The following DNAH5 variants were observed in gnomAD, a reference collection of about 807,000 sequenced individuals.
DNAH5 encodes axonemal beta dynein heavy chain 5.
In DNAH5, 372 loss-of-function variants were observed where a neutral mutation model predicts 518.2. That is an observed-to-expected ratio of 0.72 (90% CI 0.66 to 0.78). The LOEUF (loss-of-function observed/expected upper bound fraction) is 0.78, where lower values mean the gene tolerates loss of function less well. Among genes scored for constraint, DNAH5 ranks in the 30% least tolerant of loss-of-function variants. The pLI is 0.00. For synonymous variants in DNAH5, 2,039 were observed against 2,025.9 expected, an observed-to-expected ratio of 1.01 and a Z score of -0.17; for missense variants, 5,523 against 5,687.0, an observed-to-expected ratio of 0.97 and a Z score of 0.93.
rs564223803 is a variant in DNAH5, at chr5:13,755,100, C to T, written c.10420-762G>A. Reference sequence around the variant, plus strand: ...GAGATTGCAGTGAGCCAAGATCGTGCCACTCAAATCCGCTCAAAAAAACAC... The same window carrying T: ...GAGATTGCAGTGAGCCAAGATCGTGTCACTCAAATCCGCTCAAAAAAACAC... On this transcript the variant is annotated intron_variant, in intron 61 of 78. Transcript: ENST00000265104. Among the ~76,000 whole-genome samples the T allele has an allele frequency of 1.5e-4, 23 of 152,074 alleles. No individual in the cohort carries two copies. In the South Asian group the frequency reaches 2.3e-3, roughly 15 times the overall value.
At position 14,008,963 on chromosome 5, in the gene DNAH5, G is replaced by A. The variant is rs546983116; in HGVS notation, c.12+2685C>T. On this transcript the variant is annotated intron_variant, in intron 1 of 78. Coordinates refer to the DNAH5 transcript ENST00000681290. ...GGCCGGGCCTGCCCCTGCAAGGACA[G>A]GACAAACTGATCCATGTCCTGTCTC... 9.8e-5 allele frequency among the ~76,000 whole-genome samples: 15 copies of A among 152,340 alleles called. No individual in the cohort carries two copies. The South Asian group carries it at 2.1e-3, about 21-fold the overall frequency.
In DNAH5 at chr5:13,922,116, C is replaced by T. The variant is rs1777372416; in HGVS notation, c.651G>A (p.Leu217=). ...GCTTATTCGTCCTCACCTTCTCCTT[C>T]AGACTCTCCTGTGCACCCGACAGGA... is the stretch of plus-strand genomic sequence containing the variant. ...VNVLSGAQES[L]KEKVNLRKCD... The change falls in exon 5 of 79, where the codon CTG becomes CTA. Residue 217 remains leucine, a synonymous_variant. Coordinates refer to ENST00000265104, the MANE Select transcript of DNAH5 (RefSeq NM_001369.3). 1 of 1,613,968 alleles carries T rather than the reference C, an allele frequency of 6.2e-7. No individual in the cohort carries two copies. Among genetic ancestry groups the T allele is most frequent in the African/African-American group, 1.3e-5 (1 of 74,910 alleles).
At chr5:13,716,744 T>G (rs966994505) in intron 73 of DNAH5, 54 bp from the exon 74 acceptor site, 5 of 1,269,186 alleles carry the variant, frequency 3.9e-6, no homozygotes, top group Non-Finnish European at 5.7e-6. Flanking sequence ...GCATTATTAT[T>G]TCCCTGCCAA....
chr5:13,944,003 A>G (rs1235042003), intron 1 of DNAH5, among the ~76,000 whole-genome samples: 1 of 152,234 alleles, frequency 6.6e-6, no homozygotes, highest in Non-Finnish European at 1.5e-5. Flanking sequence ...TTCAAAGCCT[A>G]AACCTTGCAG....
intron 65 of DNAH5, among the ~76,000 whole-genome samples, chr5:13,747,707 A>G (rs1053078180): frequency 2.0e-5 from 3 of 152,110 alleles, no homozygotes; most frequent in Non-Finnish European, 2.9e-5. Flanking sequence ...GTCTGTTCAT[A>G]TCCTTCGCCC....
intron 32 of DNAH5, among the ~76,000 whole-genome samples, chr5:13,842,986 C>G (rs1765492482): frequency 6.6e-6 from 1 of 152,168 alleles, no homozygotes; most frequent in African/African-American, 2.4e-5. Flanking sequence ...CAACTTGAGA[C>G]AGTGAGAAGC....
chr5:13,911,269 G>T, intron 12 of DNAH5, 117 bp downstream of exon 12: 1 of 788,540 alleles, frequency 1.3e-6, no homozygotes, highest in Non-Finnish European at 2.2e-6. Context: ...GGTTGCTATC[G>T]GTCACCTCCA....
chr5:13,796,120 T>C (rs1400967082), intron 47 of DNAH5, among the ~76,000 whole-genome samples: 1 of 152,162 alleles, frequency 6.6e-6, no homozygotes, highest in Non-Finnish European at 1.5e-5. Flanking sequence ...ACTGGAAGCA[T>C]TCCCTTTGAA....
chr5:13,767,258 G>A (rs765572570), intron 58 of DNAH5, among the ~76,000 whole-genome samples: 1 of 152,078 alleles, frequency 6.6e-6, no homozygotes, highest in South Asian at 2.1e-4. Context: ...CTGAATAGCT[G>A]GGACTACAGG....
chr5:13,862,493 A>G, intron 29 of DNAH5, 55 bp downstream of exon 29: 2 of 1,531,094 alleles, frequency 1.3e-6, no homozygotes, highest in Admixed American at 3.3e-5. Context: ...ATTAATTTTA[A>G]ATGTTTGCTA....
chr5:13,924,192 T>C (rs1001469276), intron 3 of DNAH5, among the ~76,000 whole-genome samples: 3 of 152,186 alleles, frequency 2.0e-5, no homozygotes, highest in Non-Finnish European at 4.4e-5. Context: ...ATAGTCAGCA[T>C]ACCTGGTTAT....
chr5:13,798,795 G>T (rs1385800004), intron 47 of DNAH5, among the ~76,000 whole-genome samples: 2 of 145,712 alleles, frequency 1.4e-5, no homozygotes, highest in African/African-American at 2.5e-5. Flanking sequence ...TTTATTTTGA[G>T]ACAGTGTCTT....
At chr5:13,706,163 T>C (rs926282697) in intron 76 of DNAH5, among the ~76,000 whole-genome samples, 1 of 152,194 alleles carries the variant, frequency 6.6e-6, no homozygotes, top group East Asian at 1.9e-4. Context: ...TTGAAGCCAG[T>C]TGGAGGCGAT....
chr5:13,753,318 T>G lies in DNAH5; in HGVS notation c.10787A>C (p.Lys3596Thr). The change falls in exon 63 of 79, where the codon AAG (lysine) becomes ACG (threonine). Residue 3596 changes from lysine to threonine, a missense_variant. This residue lies in a region of DNAH5 where 5,121 missense variants were observed against 5,223.3 expected (regional missense o/e 0.98). Coordinates refer to ENST00000265104, the MANE Select transcript of DNAH5 (RefSeq NM_001369.3). ...LSIQNGIIVT[K>T]ASRYPLLIDP... Reference sequence around the variant, plus strand: ...AATTAACAAAGGGTAACGAGATGCCTTCGTGACAATAATTCCATTTTGAAT... The same window carrying G: ...AATTAACAAAGGGTAACGAGATGCCGTCGTGACAATAATTCCATTTTGAAT... 1.2e-6 allele frequency: 2 copies of G among 1,613,838 alleles called. No individual in the cohort carries two copies. Among genetic ancestry groups the G allele is most frequent in the Non-Finnish European group, 1.7e-6 (2 of 1,179,730 alleles).
chr5:13,826,226 C>G (rs915504299), intron 38 of DNAH5, among the ~76,000 whole-genome samples: 1 of 152,174 alleles, frequency 6.6e-6, no homozygotes, highest in African/African-American at 2.4e-5. Context: ...TTACATTTCA[C>G]TATGATCTTG....
chr5:13,731,335 T>G (rs899957010), intron 68 of DNAH5, among the ~76,000 whole-genome samples: 2 of 152,180 alleles, frequency 1.3e-5, no homozygotes, highest in Non-Finnish European at 2.9e-5. Flanking sequence ...CTGTCCATTT[T>G]CCAACAAATT....
intron 1 of DNAH5, among the ~76,000 whole-genome samples, chr5:13,935,309 A>G (rs1415192784): frequency 6.6e-6 from 1 of 152,192 alleles, no homozygotes; most frequent in Non-Finnish European, 1.5e-5. Flanking sequence ...AGAGAAAAAA[A>G]CATCCTAATG....
chr5:13,918,187 T>C (rs1262306015), intron 7 of DNAH5, among the ~76,000 whole-genome samples: 1 of 152,210 alleles, frequency 6.6e-6, no homozygotes, highest in Non-Finnish European at 1.5e-5. Flanking sequence ...CCTCCTTCAC[T>C]TGCTCCCTTT....
At chr5:13,746,888 T>A (rs1372735870) in intron 65 of DNAH5, among the ~76,000 whole-genome samples, 5 of 152,188 alleles carry the variant, frequency 3.3e-5, no homozygotes, top group East Asian at 1.9e-4. Flanking sequence ...TGTTTTTTTT[T>A]AATATATATT....
Sources: gnomAD v4.1 joint callset for allele counts (sites outside exome capture counted in the v4.1 genomes callset) on GRCh38, gnomAD v4.1.1 for gene constraint, gnomAD v4.1.1 regional missense constraint, MANE v1.5 for transcripts, NCBI Gene and HGNC (gene_info 2026-07-23, HGNC 2026-07-21) for gene names.